Variants in GGACT observed in about 807,000 individuals in gnomAD.
GGACT encodes the protein gamma-glutamylamine cyclotransferase.
For missense variants in GGACT, 241 were observed against 233.2 expected, an observed-to-expected ratio of 1.03 and a Z score of -0.22; for synonymous variants, 118 against 115.3, an observed-to-expected ratio of 1.02 and a Z score of -0.15.
intron 2 of GGACT, among the ~76,000 whole-genome samples, chr13:100,560,081 G>A (rs1278857165): frequency 6.6e-6 from 1 of 152,172 alleles, no homozygotes; most frequent in East Asian, 1.9e-4. Context: ...AGCAGAGGCT[G>A]CAAAGGGCTG....
At chr13:100,543,247 AC>A (rs2088571839) in intron 2 of GGACT, among the ~76,000 whole-genome samples, 1 of 110,984 alleles carries the variant, frequency 9.0e-6, no homozygotes, top group Admixed American at 1.4e-4. Flanking sequence ...TCGCTCTGTC[AC>A]CCAGGCTGGA....
At chr13:100,557,241 T>G (rs2088716796) in intron 2 of GGACT, among the ~76,000 whole-genome samples, 1 of 152,074 alleles carries the variant, frequency 6.6e-6, no homozygotes. Context: ...AACAAGACAG[T>G]GTGGAATTAG....
chr13:100,532,158 A>G lies in GGACT; in HGVS notation c.434T>C (p.Leu145Pro). Reference sequence around the variant, plus strand: ...TCTGTTCTCCCGGGGGTTGTAGCGCAGCCCGTGCGGCCCCTCGGAGTCGTA... The same window carrying G: ...TCTGTTCTCCCGGGGGTTGTAGCGCGGCCCGTGCGGCCCCTCGGAGTCGTA... Reference protein sequence around the residue: ...DSYDSEGPHGLRYNPRENR With the variant: ...DSYDSEGPHGPRYNPRENR Residue 145 changes from leucine to proline, a missense_variant, in exon 3 of 3, where the codon CTG becomes CCG. Leu to Pro is a moderately conservative substitution (Grantham distance 98). Coordinates refer to ENST00000683975, the MANE Select transcript of GGACT (RefSeq NM_001195087.2). The G allele has an allele frequency of 1.4e-6, 2 of 1,456,306 alleles. No individual in the cohort carries two copies. The highest frequency in any genetic ancestry group is 2.9e-5 in the South Asian group (2 of 69,692). 90.2% of individuals were successfully genotyped at this position (1,456,306 alleles called of 1,614,324 possible).
chr13:100,544,923 C>G (rs1056450050), intron 2 of GGACT, among the ~76,000 whole-genome samples: 12 of 152,234 alleles, frequency 7.9e-5, no homozygotes, highest in Non-Finnish European at 1.6e-4. Context: ...GGATGGAGAA[C>G]CGGCCAGGGC....
chr13:100,544,737 T>A (rs1353467412), intron 2 of GGACT, among the ~76,000 whole-genome samples: 1 of 152,238 alleles, frequency 6.6e-6, no homozygotes, highest in African/African-American at 2.4e-5. Context: ...AAATAACGAT[T>A]TTTTTCATGC....
At chr13:100,569,272 C>T (rs1276047834) in intron 2 of GGACT, among the ~76,000 whole-genome samples, 1 of 152,368 alleles carries the variant, frequency 6.6e-6, no homozygotes. Flanking sequence ...GGGCTCTGCC[C>T]CTGCAGCATC....
chr13:100,568,239 C>G (rs1004720430), intron 2 of GGACT, among the ~76,000 whole-genome samples: 1 of 152,196 alleles, frequency 6.6e-6, no homozygotes, highest in Non-Finnish European at 1.5e-5. Flanking sequence ...TACTGAAGAC[C>G]TTGTATTAGT....
At position 100,538,586 on chromosome 13, in the gene GGACT, A is replaced by C. The variant is rs529947505; in HGVS notation, c.-10-5985T>G. The C allele has an allele frequency of 9.8e-5, 15 of 152,354 alleles. No homozygotes were observed. In the East Asian group the frequency reaches 2.7e-3, roughly 27 times the overall value. 9.4% of individuals were successfully genotyped at this position (152,354 alleles called of 1,614,324 possible). On this transcript the variant is annotated intron_variant, in intron 2 of 2. Transcript: ENST00000683975. ...ACTTTGTACCCATTAAACAATAACCACGGAAAGCAAAACCACAGATAAGGA... is the reference window on the plus strand; with the variant it reads ...ACTTTGTACCCATTAAACAATAACCCCGGAAAGCAAAACCACAGATAAGGA...
chr13:100,578,041 G>GAAA (rs1875304601), intron 2 of GGACT, among the ~76,000 whole-genome samples: 1 of 152,142 alleles, frequency 6.6e-6, no homozygotes, highest in African/African-American at 2.4e-5. Context: ...GATAGAAAAG[G>GAAA]GAAATGGATG....
chr13:100,555,966 A>T (rs2088704861), intron 2 of GGACT, among the ~76,000 whole-genome samples: 1 of 152,208 alleles, frequency 6.6e-6, no homozygotes, highest in African/African-American at 2.4e-5. Context: ...GCAAACTGGA[A>T]ATCAAAGAGG....
chr13:100,554,967 T>G (rs903866877), intron 2 of GGACT, among the ~76,000 whole-genome samples: 2 of 152,108 alleles, frequency 1.3e-5, no homozygotes, highest in Non-Finnish European at 2.9e-5. Context: ...ATGGAAAAAT[T>G]CCTCAAAAGG....
intron 2 of GGACT, chr13:100,537,330 C>T (rs2153012556): frequency 6.6e-6 from 1 of 152,450 alleles, no homozygotes. Context: ...AAGGGTATGT[C>T]AGGTCCCCGT....
chr13:100,562,752 C>T (rs1008940531), intron 2 of GGACT, among the ~76,000 whole-genome samples: 4 of 150,404 alleles, frequency 2.7e-5, no homozygotes, highest in African/African-American at 4.9e-5. Flanking sequence ...GCTGAGATCA[C>T]GCGACTGCAC....
chr13:100,533,531 A>G (rs1217348690), intron 2 of GGACT: 2 of 152,246 alleles, frequency 1.3e-5, no homozygotes, highest in Admixed American at 6.5e-5. Context: ...AATTAGAAAT[A>G]ACCCTAAAAA....
At chr13:100,542,577 G>A (rs1228075990) in intron 2 of GGACT, among the ~76,000 whole-genome samples, 6 of 152,158 alleles carry the variant, frequency 3.9e-5, no homozygotes, top group Admixed American at 6.5e-5. Flanking sequence ...GAACATCTCT[G>A]CAGATGTCGT....
chr13:100,577,598 T>C (rs1875290749), intron 2 of GGACT, among the ~76,000 whole-genome samples: 1 of 152,126 alleles, frequency 6.6e-6, no homozygotes, highest in South Asian at 2.1e-4. Flanking sequence ...TTCTGGCATT[T>C]GCTTCAAAAC....
chr13:100,556,955 T>A (rs765653207), intron 2 of GGACT, among the ~76,000 whole-genome samples: 2 of 152,108 alleles, frequency 1.3e-5, no homozygotes, highest in African/African-American at 2.4e-5. Context: ...CTCACTGCAA[T>A]CTTGGCTCAC....
chr13:100,532,737 G>A (rs982868302), intron 2 of GGACT, 136 bp from the exon 3 acceptor site: 1 of 645,348 alleles, frequency 1.5e-6, no homozygotes, highest in East Asian at 2.8e-5. Flanking sequence ...CAGATAAGGC[G>A]TTACTTACCG....
Position 100,530,281 on chromosome 13 carries a change from C to T in GGACT, c.*1849G>A, listed in dbSNP as rs41281122. ...CACCCCTGTGCAGCTACGTTTACGT[C>T]GTCATTTATTCCACAGAGTCAAGAC... is the stretch of plus-strand genomic sequence containing the variant. On this transcript the variant is annotated 3_prime_UTR_variant, in exon 3 of 3. Transcript: ENST00000683975. 9.4e-3 allele frequency: 7,953 copies of T among 850,454 alleles called. 48 individuals are homozygous for T. The highest frequency in any genetic ancestry group is 0.013 in the Non-Finnish European group (6,422 of 504,156). The allele number at this position is 850,454 out of a possible 1,614,324, so 52.7% of individuals were successfully genotyped here.
Sources: gnomAD v4.1 joint callset for allele counts (sites outside exome capture counted in the v4.1 genomes callset) on GRCh38, gnomAD v4.1.1 for gene constraint, MANE v1.5 for transcripts, NCBI Gene and HGNC (gene_info 2026-07-23, HGNC 2026-07-21) for gene names.